SH2B1: variants seen among roughly 807,000 people sequenced by gnomAD.
SH2B1 encodes the protein SH2B adapter protein 1.
SH2B1 carries 15 observed loss-of-function variants against 62.6 expected under a neutral mutation model. The observed-to-expected ratio is 0.24, with a 90% confidence interval of 0.16 to 0.37. The LOEUF is 0.37. Among genes scored for constraint, SH2B1 ranks in the 10% least tolerant of loss-of-function variants. The pLI is 1.00. For synonymous variants in SH2B1, 443 were observed against 438.0 expected (o/e 1.01, Z -0.14); for missense variants, 925 against 1,015.6 (o/e 0.91, Z 1.21).
At chr16:28,869,939 A>T (rs1962941162) in intron 4 of SH2B1, among the ~76,000 whole-genome samples, 1 of 152,220 alleles carries the variant, frequency 6.6e-6, no homozygotes, top group Non-Finnish European at 1.5e-5. Flanking sequence ...TGCCTAGCAC[A>T]CAGGCTGTAT....
chr16:28,849,974 T>C (rs1962060274), intron 1 of SH2B1, among the ~76,000 whole-genome samples: 1 of 152,108 alleles, frequency 6.6e-6, no homozygotes, highest in Admixed American at 6.6e-5. Context: ...GCAAATTTTT[T>C]GGAAGGTAGT....
At chr16:28,850,765 A>G (rs1962077641) in intron 1 of SH2B1, among the ~76,000 whole-genome samples, 1 of 148,944 alleles carries the variant, frequency 6.7e-6, no homozygotes. Flanking sequence ...AGGCTGAAAC[A>G]GGAGAATCGC....
chr16:28,866,671 G>A lies in SH2B1; in HGVS notation c.577G>A (p.Val193Ile), dbSNP rs1216500720. 1.4e-5 allele frequency: 23 copies of A among 1,607,554 alleles called. No homozygotes were observed. Among genetic ancestry groups the A allele is most frequent in the Non-Finnish European group, 1.9e-5 (22 of 1,176,512 alleles). ...CCTGGAGACCTCGTCAGGCCCCCCA[G>A]TCTTAGGTGGAAACAGCAACTCCAA... ...GPLETSSGPPVLGGNSNSNSS... is the reference protein window; with the variant it reads ...GPLETSSGPPILGGNSNSNSS... Residue 193 changes from valine (V) to isoleucine (I), a missense_variant, in exon 1 of 8, where the codon GTC (valine) becomes ATC (isoleucine). Physicochemically the swap from Val to Ile is conservative, Grantham distance 29. Coordinates refer to ENST00000684370, the MANE Select transcript of SH2B1 (RefSeq NM_001387430.1). The surrounding 1 kb of genome is among the most constrained non-coding windows in gnomAD (Gnocchi z 6.3).
intron 1 of SH2B1, among the ~76,000 whole-genome samples, chr16:28,852,023 T>C (rs1962109387): frequency 6.7e-6 from 1 of 148,374 alleles, no homozygotes; most frequent in Admixed American, 6.8e-5. Context: ...GCCGAGATTG[T>C]GCCACTGCAC....
rs778578118 is a variant in SH2B1, at chr16:28,866,172, G to T, written c.78G>T (p.Trp26Cys). The T allele has an allele frequency of 1.9e-6, 3 of 1,559,134 alleles. No homozygotes were observed. Among genetic ancestry groups the T allele is most frequent in the Non-Finnish European group, 2.6e-6 (3 of 1,154,146 alleles). The change falls in exon 1 of 8, where the codon TGG becomes TGT. Residue 26 changes from tryptophan (W) to cysteine (C), a missense_variant. Around this residue, in one of 3 missense-constraint regions of SH2B1, gnomAD observed 683 missense variants for 704.0 expected, o/e 0.97. Coordinates refer to ENST00000684370, the MANE Select transcript of SH2B1 (RefSeq NM_001387430.1). The surrounding 1 kb of genome is among the most constrained non-coding windows in gnomAD (Gnocchi z 6.3). ...PPLPPPPPPS[W>C]REFCESHARA... ...TGCCCCCACCCCCGCCCCCTAGTTG[G>T]CGGGAGTTCTGTGAGTCCCACGCCC...
upstream of SH2B1, among the ~76,000 whole-genome samples, chr16:28,860,409 G>A (rs11863665): frequency 0.054 from 8,235 of 151,582 alleles, 703 homozygotes; most frequent in African/African-American, 0.18. Flanking sequence ...GTGCCACCAC[G>A]CCTGGCTAAT....
chr16:28,852,836 A>G (rs1168332445), intron 1 of SH2B1, among the ~76,000 whole-genome samples: 1 of 76,234 alleles, frequency 1.3e-5, no homozygotes, highest in Non-Finnish European at 2.3e-5. Context: ...ATTTATATAT[A>G]TATACATATA....
At position 28,865,903 on chromosome 16, in the gene SH2B1, C is replaced by T; in HGVS notation, c.-192C>T. On this transcript the variant is annotated 5_prime_UTR_variant, in exon 1 of 8. Coordinates refer to ENST00000684370, the MANE Select transcript of SH2B1 (RefSeq NM_001387430.1). ...GTGTTGGGCTCCCTTCCCCATTGCT[C>T]TCTGCGGAGTCTGAAGTAGGGTCGG... The T allele has an allele frequency of 7.2e-7, 1 of 1,392,886 alleles. No homozygotes were observed. The highest frequency in any genetic ancestry group is 9.3e-7 in the Non-Finnish European group (1 of 1,079,172). 86.3% of individuals were successfully genotyped at this position (1,392,886 alleles called of 1,614,324 possible). A position where few individuals can be genotyped will look rare whatever the true frequency, so the allele number is the denominator to read the frequency against.
Position 28,852,724 on chromosome 16 carries a change from T to TTA in SH2B1, c.-301+5906_-301+5907dup, listed in dbSNP as rs1282820738. On this transcript the variant is annotated intron_variant, in intron 1 of 10. Transcript: ENST00000322610. ...TATACATATATATTTACATATATATTTATATATATACATATATATATTTAC... is the reference window on the plus strand; with the variant it reads ...TATACATATATATTTACATATATATTTATATATATATACATATATATATTTAC... Among the ~76,000 whole-genome samples the TTA allele has an allele frequency of 2.1e-3, 145 of 69,560 alleles. 19 individuals carry two copies. Among genetic ancestry groups the TTA allele is most frequent in the African/African-American group, 8.8e-3 (135 of 15,264 alleles). 45.6% of individuals were successfully genotyped at this position (69,560 alleles called of 152,430 possible). A position where few individuals can be genotyped will look rare whatever the true frequency, so the allele number is the denominator to read the frequency against.
At chr16:28,851,304 T>C (rs1962094148) in intron 1 of SH2B1, among the ~76,000 whole-genome samples, 1 of 151,936 alleles carries the variant, frequency 6.6e-6, no homozygotes, top group African/African-American at 2.4e-5. Context: ...CCTCCCCAGT[T>C]CTGATTCTCC....
At position 28,852,589 on chromosome 16, in the gene SH2B1, TAC is replaced by T. The variant is rs374164498; in HGVS notation, c.-301+5766_-301+5767del. Among the ~76,000 whole-genome samples, 5 of 37,608 alleles carry T rather than the reference TAC, an allele frequency of 1.3e-4. 1 individual carries two copies. In the East Asian group the frequency reaches 2.1e-3, roughly 16 times the overall value. The allele number at this position is 37,608 out of a possible 152,430, so 24.7% of individuals were successfully genotyped here. A position where few individuals can be genotyped will look rare whatever the true frequency, so the allele number is the denominator to read the frequency against. On this transcript the variant is annotated intron_variant, in intron 1 of 10. Coordinates refer to the SH2B1 transcript ENST00000322610. Reference sequence around the variant, plus strand: ...ATATACACATATATATTTATATATATACACATATATATTTATATATATACACA... The same window carrying T: ...ATATACACATATATATTTATATATATACATATATATTTATATATATACACA...
intron 1 of SH2B1, among the ~76,000 whole-genome samples, chr16:28,849,132 C>T (rs1266067725): frequency 6.6e-6 from 1 of 152,114 alleles, no homozygotes; most frequent in Non-Finnish European, 1.5e-5. Context: ...TTGACAGAGC[C>T]TTGCTGGGTC....
intron 1 of SH2B1, among the ~76,000 whole-genome samples, chr16:28,852,179 AATATATATATTTTTATTTATATATTTAC>A (rs1962112956): frequency 1.5e-5 from 2 of 137,308 alleles, no homozygotes; most frequent in Admixed American, 7.8e-5. Flanking sequence ...CGTATCCAAA[AATATATATATTTTTATTTATATATTTAC>A]ATATATATAT....
chr16:28,873,604 T>C lies in SH2B1; in HGVS notation c.2055T>C (p.Gly685=), dbSNP rs998642609. Residue 685 remains glycine, a synonymous_variant, in exon 8 of 8, where the codon GGT becomes GGC. Coordinates refer to ENST00000684370, the MANE Select transcript of SH2B1 (RefSeq NM_001387430.1). This position sits in a 1 kb window ranked among gnomAD's most constrained non-coding sequence, Gnocchi z 4.2. The stretch of plus-strand genomic sequence containing the variant: ...GGCAAGAGAAAGAGAAAGCGGGCGG[T>C]GGAGGGGTCCCGGAAGAGCTGGTCC... ...KERQEKEKAG[G]GGVPEELVPV... 36 of 1,553,634 alleles carry C rather than the reference T, an allele frequency of 2.3e-5. No individual in the cohort carries two copies. Among genetic ancestry groups the C allele is most frequent in the Non-Finnish European group, 2.8e-5 (32 of 1,148,952 alleles).
At chr16:28,859,552 G>A (rs1962390964), upstream of SH2B1, among the ~76,000 whole-genome samples, 1 of 152,036 alleles carries the variant, frequency 6.6e-6, no homozygotes, top group African/African-American at 2.4e-5. Flanking sequence ...TGAGAATGAA[G>A]ACAGTCCAGG....
Position 28,873,126 on chromosome 16 carries a change from CT to C in SH2B1, c.1898-320del. 2 of 1,271,494 alleles carry C rather than the reference CT, an allele frequency of 1.6e-6. No homozygotes were observed. Among genetic ancestry groups the C allele is most frequent in the Non-Finnish European group, 2.2e-6 (2 of 922,110 alleles). The allele number at this position is 1,271,494 out of a possible 1,614,324, so 78.8% of individuals were successfully genotyped here. ...TCCCTGTCTGATCTCTCCCTTTCCC[CT>C]GCCCCACCGTCCCATCTGTCCCCAC... On this transcript the variant is annotated intron_variant, in intron 7 of 7. Coordinates refer to ENST00000684370, the MANE Select transcript of SH2B1 (RefSeq NM_001387430.1). The surrounding 1 kb of genome is among the most constrained non-coding windows in gnomAD (Gnocchi z 4.2).
chr16:28,858,074 G>A (rs1031016588), intron 1 of SH2B1, among the ~76,000 whole-genome samples: 3 of 152,018 alleles, frequency 2.0e-5, no homozygotes, highest in African/African-American at 7.2e-5. Context: ...CCATGTGATT[G>A]GTCTTACCCT....
At chr16:28,858,906 T>C, upstream of SH2B1, among the ~76,000 whole-genome samples, 2 of 147,536 alleles carry the variant, frequency 1.4e-5, no homozygotes, top group Non-Finnish European at 3.0e-5. Flanking sequence ...ATCATACCAC[T>C]GCACTCCAGC....
In SH2B1 at chr16:28,863,915, G is replaced by A; in HGVS notation, c.-2180G>A. ...GGGAGCCGCCGCCGCCGCCGCCGCC[G>A]CCGGAGCTAACCTCGGGGACCGAGA... On this transcript the variant is annotated 5_prime_UTR_variant, in exon 1 of 8. Transcript: ENST00000684370. The A allele has an allele frequency of 1.4e-6, 2 of 1,424,254 alleles. No homozygotes were observed. Among genetic ancestry groups the A allele is most frequent in the South Asian group, 1.3e-5 (1 of 74,558 alleles). The allele number at this position is 1,424,254 out of a possible 1,614,324, so 88.2% of individuals were successfully genotyped here.
Sources: allele counts gnomAD v4.1 joint callset (sites outside exome capture counted in the v4.1 genomes callset), GRCh38; gene constraint gnomAD v4.1.1; regional missense constraint gnomAD v4.1.1; non-coding constraint Gnocchi (gnomAD v3.1); transcripts MANE v1.5; gene names NCBI Gene and HGNC (gene_info 2026-07-23, HGNC 2026-07-21).